The following MED27 variants were observed in gnomAD, a reference collection of about 807,000 sequenced individuals.
MED27 encodes mediator of RNA polymerase II transcription subunit 27.
A neutral mutation model predicts 38.2 loss-of-function variants in MED27; 30 were observed. That is an observed-to-expected ratio of 0.79 (90% CI 0.59 to 1.07). The LOEUF is 1.07. Ranked by LOEUF, MED27 falls within the 50% of genes least tolerant of loss-of-function variation. The probability of loss-of-function intolerance (pLI) is 0.00; values close to 1 mark genes in which losing one functional copy is unlikely to be tolerated. For synonymous variants in MED27, 122 were observed against 153.5 expected (o/e 0.79, Z 1.52); for missense variants, 289 against 397.5 (o/e 0.73, Z 2.32).
In MED27 at chr9:131,864,492, GA is replaced by G. The variant is rs1838703844; in HGVS notation, c.724-1353del. Among the ~76,000 whole-genome samples, 4 of 152,170 alleles carry G rather than the reference GA, an allele frequency of 2.6e-5. No individual in the cohort carries two copies. The South Asian group carries it at 8.3e-4, about 32-fold the overall frequency. ...AGACCTGTCTCAAACAAAACAAAATGAAAAAACCACACCTAAAATAAAAAAC... is the reference window on the plus strand; with the variant it reads ...AGACCTGTCTCAAACAAAACAAAATGAAAAACCACACCTAAAATAAAAAAC... On this transcript the variant is annotated intron_variant, in intron 6 of 7. Coordinates refer to ENST00000292035, the MANE Select transcript of MED27 (RefSeq NM_004269.4).
intron 2 of MED27, among the ~76,000 whole-genome samples, chr9:132,036,600 T>C (rs1833086186): frequency 6.6e-6 from 1 of 152,230 alleles, no homozygotes; most frequent in Non-Finnish European, 1.5e-5. Flanking sequence ...GCTCTACCAC[T>C]TACCACCTGG....
chr9:131,939,497 T>C (rs79746966), intron 3 of MED27, 23 bp from the exon 4 acceptor site: 11 of 1,496,326 alleles, frequency 7.4e-6, no homozygotes, highest in South Asian at 4.8e-5. Flanking sequence ...AAAATAAACA[T>C]GTGTGAACTA....
chr9:132,021,149 A>G (rs755475604), intron 2 of MED27, among the ~76,000 whole-genome samples: 3 of 152,240 alleles, frequency 2.0e-5, no homozygotes, highest in Non-Finnish European at 4.4e-5. Flanking sequence ...CAAGAAGTAA[A>G]CAGAGACGAT....
chr9:131,897,027 G>C (rs1829843859), intron 4 of MED27, among the ~76,000 whole-genome samples: 1 of 152,258 alleles, frequency 6.6e-6, no homozygotes, highest in Non-Finnish European at 1.5e-5. Flanking sequence ...ACCACGCCCA[G>C]TCATGTATAT....
At position 131,942,114 on chromosome 9, in the gene MED27, C is replaced by T. The variant is rs111601843; in HGVS notation, c.480-2640G>A. On this transcript the variant is annotated intron_variant, in intron 3 of 7. Transcript: ENST00000292035. ...TGCTGGGATTACAGGCGTGAACCAC[C>T]GTGCCCAGCCTCTGCTGATTTTTTA... is the stretch of plus-strand genomic sequence containing the variant. Among the ~76,000 whole-genome samples the T allele has an allele frequency of 2.6e-5, 4 of 152,184 alleles. 1 individual carries two copies. The highest frequency in any genetic ancestry group is 9.6e-5 in the African/African-American group (4 of 41,536).
intron 3 of MED27, among the ~76,000 whole-genome samples, chr9:131,970,462 A>G (rs1831452308): frequency 6.6e-6 from 1 of 152,240 alleles, no homozygotes; most frequent in Non-Finnish European, 1.5e-5. Flanking sequence ...GCCAACACAG[A>G]AACACTACAC....
chr9:131,941,372 A>C (rs1163762820), intron 3 of MED27, among the ~76,000 whole-genome samples: 1 of 152,226 alleles, frequency 6.6e-6, no homozygotes, highest in Non-Finnish European at 1.5e-5. Context: ...CTCATGAAAG[A>C]TAGCAGAAAA....
At chr9:131,922,479 C>T (rs1438427153) in intron 4 of MED27, among the ~76,000 whole-genome samples, 1 of 148,294 alleles carries the variant, frequency 6.7e-6, no homozygotes, top group Non-Finnish European at 1.5e-5. Flanking sequence ...CACACTCTGT[C>T]ACCCAGGTTG....
intron 6 of MED27, chr9:131,869,222 T>C (rs1838786595): frequency 1.0e-6 from 1 of 985,340 alleles, no homozygotes; most frequent in African/African-American, 1.7e-5. Flanking sequence ...CCTCCACTGC[T>C]GGTTTTGGAA....
intron 4 of MED27, among the ~76,000 whole-genome samples, chr9:131,936,005 C>T (rs1229935450): frequency 6.6e-6 from 1 of 151,778 alleles, no homozygotes; most frequent in Non-Finnish European, 1.5e-5. Flanking sequence ...TGGTGGCACA[C>T]ACCTGTGGTC....
At chr9:131,877,796 G>A (rs1838962766) in intron 6 of MED27, among the ~76,000 whole-genome samples, 1 of 152,102 alleles carries the variant, frequency 6.6e-6, no homozygotes, top group Non-Finnish European at 1.5e-5. Flanking sequence ...TATTGGGGTT[G>A]GTAGTCAATT....
At chr9:132,019,252 T>C (rs567713577) in intron 2 of MED27, among the ~76,000 whole-genome samples, 7 of 152,290 alleles carry the variant, frequency 4.6e-5, no homozygotes, top group African/African-American at 1.2e-4. Context: ...GGATAGTGCA[T>C]TGAATACAGG....
intron 3 of MED27, among the ~76,000 whole-genome samples, chr9:131,948,964 A>AG (rs1438661321): frequency 1.3e-5 from 2 of 152,210 alleles, no homozygotes; most frequent in Admixed American, 6.5e-5. Flanking sequence ...TCAATGCACA[A>AG]GGGCCCAGCA....
chr9:132,044,081 T>C (rs1833279902), intron 2 of MED27, among the ~76,000 whole-genome samples: 1 of 151,600 alleles, frequency 6.6e-6, no homozygotes, highest in Non-Finnish European at 1.5e-5. Flanking sequence ...CCTCATGAGA[T>C]AACAAAGGAA....
At chr9:131,915,332 A>G (rs376907540) in intron 4 of MED27, among the ~76,000 whole-genome samples, 18 of 152,244 alleles carry the variant, frequency 1.2e-4, no homozygotes, top group African/African-American at 4.1e-4. Context: ...CCATTTGGCA[A>G]GTCTCACACA....
At chr9:132,075,249 G>A (rs1156492223) in intron 2 of MED27, among the ~76,000 whole-genome samples, 2 of 152,122 alleles carry the variant, frequency 1.3e-5, no homozygotes, top group East Asian at 1.9e-4. Context: ...CCCAAATTCT[G>A]GTCTAGCTTG....
intron 3 of MED27, among the ~76,000 whole-genome samples, chr9:131,971,129 A>G (rs1397324330): frequency 3.3e-5 from 5 of 152,222 alleles, no homozygotes; most frequent in Admixed American, 1.3e-4. Context: ...TAAAGAAAAC[A>G]CAGCCAAATG....
chr9:131,994,318 A>G (rs944113196), intron 3 of MED27, among the ~76,000 whole-genome samples: 1 of 152,228 alleles, frequency 6.6e-6, no homozygotes, highest in Non-Finnish European at 1.5e-5. Flanking sequence ...GGTAAGATCT[A>G]CCAGAGTAGG....
At chr9:132,077,219 T>C (rs780637088) in intron 2 of MED27, among the ~76,000 whole-genome samples, 5 of 152,184 alleles carry the variant, frequency 3.3e-5, no homozygotes, top group Admixed American at 6.5e-5. Context: ...TACACCTGAG[T>C]TAGAATTTTT....
Sources: gnomAD v4.1 joint callset for allele counts (sites outside exome capture counted in the v4.1 genomes callset) on GRCh38, gnomAD v4.1.1 for gene constraint, MANE v1.5 for transcripts, NCBI Gene and HGNC (gene_info 2026-07-23, HGNC 2026-07-21) for gene names.